Variants in TNS1 observed in about 807,000 individuals in gnomAD.
TNS1 encodes the protein tensin 1.
TNS1 carries 62 observed loss-of-function variants against 168.6 expected under a neutral mutation model. The ratio of observed to expected loss-of-function variants is 0.37; its 90% CI spans 0.30 to 0.45. The LOEUF (loss-of-function observed/expected upper bound fraction) is 0.45, where lower values mean the gene tolerates loss of function less well. Ranked by LOEUF, TNS1 falls within the 20% of genes least tolerant of loss-of-function variation. The pLI, the probability that TNS1 is intolerant of heterozygous loss-of-function variation, is 1.00. For missense variants in TNS1, 2,240 were observed against 2,339.4 expected, an observed-to-expected ratio of 0.96 and a Z score of 0.88; for synonymous variants, 934 against 933.2, an observed-to-expected ratio of 1.00 and a Z score of -0.02.
chr2:217,926,144 C>G (rs947734106), intron 3 of TNS1, among the ~76,000 whole-genome samples: 1 of 152,198 alleles, frequency 6.6e-6, no homozygotes, highest in Non-Finnish European at 1.5e-5. Flanking sequence ...GGCGGCATCT[C>G]CAAGCCAAGA....
upstream of TNS1, among the ~76,000 whole-genome samples, chr2:218,013,841 A>G (rs1182208564): frequency 6.6e-6 from 1 of 152,104 alleles, no homozygotes; most frequent in African/African-American, 2.4e-5. Context: ...TTCTGAGTGC[A>G]GGCCAGGGAG....
intron 30 of TNS1, among the ~76,000 whole-genome samples, chr2:217,809,340 G>C (rs1432911827): frequency 1.0e-3 from 72 of 69,066 alleles, no homozygotes; most frequent in Non-Finnish European, 1.3e-3. Flanking sequence ...TGGATGGATG[G>C]ATGGATGCAT....
Position 217,808,678 on chromosome 2 carries a change from C to T in TNS1, c.5274-7G>A, listed in dbSNP as rs1322215192. On this transcript the variant is annotated splice_region_variant and splice_polypyrimidine_tract_variant and intron_variant, in intron 30 of 32. Coordinates refer to ENST00000682258, the MANE Select transcript of TNS1 (RefSeq NM_001387777.1). ...GTGGCGTCTGAAAAAGAGCCTGCAG[C>T]ACAGACATCAGATAAACAGAGAATG... is the stretch of plus-strand genomic sequence containing the variant. The T allele has an allele frequency of 8.7e-6, 14 of 1,613,902 alleles. No homozygotes were observed. The highest frequency in any genetic ancestry group is 1.2e-5 in the Non-Finnish European group (14 of 1,179,846).
At position 217,813,281 on chromosome 2, in the gene TNS1, G is replaced by T; in HGVS notation, c.4888C>A (p.His1630Asn). The T allele has an allele frequency of 1.3e-6, 2 of 1,596,368 alleles. No homozygotes were observed. The highest frequency in any genetic ancestry group is 8.5e-7 in the Non-Finnish European group (1 of 1,170,074). ...CTGGGGCCAGTCTCTATCAGAAAAT[G>T]CCTGACCAGCTCATGGGTCATGTCT... ...KGDMTHELVRHFLIETGPRGV... is the reference protein window; with the variant it reads ...KGDMTHELVRNFLIETGPRGV... Residue 1630 changes from histidine to asparagine, a missense_variant, in exon 27 of 33, where the codon CAT (histidine) becomes AAT (asparagine). Around this residue, in one of 2 missense-constraint regions of TNS1, gnomAD observed 2,131 missense variants for 2,171.2 expected, o/e 0.98. Transcript: ENST00000682258. This position sits in a 1 kb window ranked among gnomAD's most constrained non-coding sequence, Gnocchi z 4.0.
In TNS1 at chr2:217,891,019, G is replaced by A. The variant is rs1282902005; in HGVS notation, c.809C>T (p.Ala270Val). ...CTTATCCTCATAGAACCGCTTCATT[G>A]CAAACCGGTCCAGAGCCTGGTCCGC... is the stretch of plus-strand genomic sequence containing the variant. ...ASADQALDRF[A>V]MKRFYEDKIV... is the part of the protein sequence containing the mutation. The change falls in exon 12 of 33, where the codon GCA (alanine) becomes GTA (valine). Residue 270 changes from alanine to valine, a missense_variant. Ala to Val is a moderately conservative substitution (Grantham distance 64). Transcript: ENST00000682258. The A allele has an allele frequency of 1.9e-6, 3 of 1,614,098 alleles. No homozygotes were observed. In the Admixed American group the frequency reaches 5.0e-5, roughly 27 times the overall value.
At chr2:218,000,061 C>T (rs1300782888) in intron 1 of TNS1, among the ~76,000 whole-genome samples, 2 of 152,178 alleles carry the variant, frequency 1.3e-5, no homozygotes, top group Non-Finnish European at 2.9e-5. Context: ...CATCAAAAAG[C>T]CTCAATTGCT....
chr2:217,804,513 A>G lies in TNS1; in HGVS notation c.5466T>C (p.Ser1822=), dbSNP rs751815467. The part of the protein sequence containing the change: ...FAELDPNQPA[S]AIVNFVSKVM... ...CCTTGGAGACGAAGTTGACGATGGC[A>G]GAGGCCGGCTGGTTGGGGTCAAGCT... Residue 1822 remains serine (S), a synonymous_variant, in exon 33 of 33, where the codon TCT becomes TCC. Transcript: ENST00000682258. 1 of 1,614,128 alleles carries G rather than the reference A, an allele frequency of 6.2e-7. No individual in the cohort carries two copies. The highest frequency in any genetic ancestry group is 1.7e-5 in the Admixed American group (1 of 60,012).
chr2:217,936,232 A>G (rs1285511137), intron 3 of TNS1, among the ~76,000 whole-genome samples: 1 of 152,124 alleles, frequency 6.6e-6, no homozygotes, highest in Admixed American at 6.5e-5. Flanking sequence ...GTAAGGGGCT[A>G]CTGTGTTCCA....
intron 1 of TNS1, among the ~76,000 whole-genome samples, chr2:218,015,572 G>T (rs191883903): frequency 6.6e-6 from 1 of 152,212 alleles, no homozygotes; most frequent in Admixed American, 6.5e-5. Flanking sequence ...AGAACAGCTT[G>T]ATCACTCTCT....
At chr2:217,934,815 A>G (rs752968974) in intron 3 of TNS1, among the ~76,000 whole-genome samples, 1 of 152,244 alleles carries the variant, frequency 6.6e-6, no homozygotes, top group Admixed American at 6.5e-5. Flanking sequence ...CTGAAGAGCC[A>G]ACAGGATCCC....
intron 1 of TNS1, among the ~76,000 whole-genome samples, chr2:218,021,936 G>A (rs544208978): frequency 7.2e-5 from 11 of 152,332 alleles, no homozygotes; most frequent in African/African-American, 2.6e-4. Context: ...TGAGGCTGAG[G>A]AGTACCTCCA....
intron 7 of TNS1, among the ~76,000 whole-genome samples, chr2:217,899,094 T>C (rs549056947): frequency 6.6e-6 from 1 of 152,322 alleles, no homozygotes; most frequent in African/African-American, 2.4e-5. Context: ...TCTCTGGCAC[T>C]AGACAGAACA....
chr2:217,898,969 C>T (rs1038507896), intron 7 of TNS1, among the ~76,000 whole-genome samples: 1 of 152,250 alleles, frequency 6.6e-6, no homozygotes, highest in Non-Finnish European at 1.5e-5. Flanking sequence ...CCCCCTCTAT[C>T]AAATGCAGGC....
At chr2:217,970,164 G>A (rs761616788) in intron 3 of TNS1, among the ~76,000 whole-genome samples, 15 of 152,208 alleles carry the variant, frequency 9.9e-5, no homozygotes, top group Non-Finnish European at 1.9e-4. Flanking sequence ...AGGCAAGGAA[G>A]GGCCCCTGCA....
At chr2:218,018,155 C>T (rs1466026958) in intron 1 of TNS1, among the ~76,000 whole-genome samples, 1 of 152,278 alleles carries the variant, frequency 6.6e-6, no homozygotes, top group South Asian at 2.1e-4. Context: ...CCTGAGCCCC[C>T]GCAGCCCAAC....
intron 23 of TNS1, 112 bp from the exon 24 acceptor site, chr2:217,818,871 A>G (rs1056334687): frequency 1.4e-5 from 12 of 829,308 alleles, no homozygotes; most frequent in Non-Finnish European, 2.2e-5. Context: ...GAATGGTCCC[A>G]CTGGCAGTGC....
intron 1 of TNS1, among the ~76,000 whole-genome samples, chr2:218,017,190 A>T (rs1464983247): frequency 6.6e-6 from 1 of 152,182 alleles, no homozygotes; most frequent in Non-Finnish European, 1.5e-5. Context: ...CAAGGATCTC[A>T]TGGAACTTGA....
chr2:217,805,535 C>CAT (rs1938595195), intron 32 of TNS1, among the ~76,000 whole-genome samples: 1 of 1,350 alleles, frequency 7.4e-4, no homozygotes, highest in South Asian at 0.031. Flanking sequence ...CCACACACAC[C>CAT]ACACACACCA....
rs748421813 is a variant in TNS1 at position 217,893,021 on chromosome 2, GC to G, written c.718-10del. ...ATCCTGCCTCGGTTTCCCTGAAAGAGCCCCAAACACAAAATCATTTATTTCT... is the reference window on the plus strand; with the variant it reads ...ATCCTGCCTCGGTTTCCCTGAAAGAGCCCAAACACAAAATCATTTATTTCT... On this transcript the variant is annotated splice_polypyrimidine_tract_variant and intron_variant, in intron 10 of 32. Transcript: ENST00000682258. 39 of 1,613,958 alleles carry G rather than the reference GC, an allele frequency of 2.4e-5. No individual in the cohort carries two copies. The highest frequency in any genetic ancestry group is 3.2e-5 in the Non-Finnish European group (38 of 1,179,938).
Sources: allele counts gnomAD v4.1 joint callset (sites outside exome capture counted in the v4.1 genomes callset), GRCh38; gene constraint gnomAD v4.1.1; regional missense constraint gnomAD v4.1.1; non-coding constraint Gnocchi (gnomAD v3.1); transcripts MANE v1.5; gene names NCBI Gene and HGNC (gene_info 2026-07-23, HGNC 2026-07-21).